The following RABGAP1L variants were observed in gnomAD, a reference collection of about 807,000 sequenced individuals.
The protein encoded by RABGAP1L is RAB GTPase activating protein 1 like.
Under a neutral mutation model 137.7 loss-of-function variants are expected in RABGAP1L, and 63 were observed. The observed-to-expected ratio is 0.46, with a 90% CI of 0.37 to 0.56. RABGAP1L has a LOEUF of 0.56. Ranked by LOEUF, RABGAP1L falls within the 20% of genes least tolerant of loss-of-function variation. RABGAP1L has a pLI of 0.00. For missense variants in RABGAP1L, 1,095 were observed against 1,244.0 expected, an observed-to-expected ratio of 0.88 and a Z score of 1.80; for synonymous variants, 431 against 433.7, an observed-to-expected ratio of 0.99 and a Z score of 0.08.
At chr1:174,453,397 CT>C (rs1655661162) in intron 13 of RABGAP1L, among the ~76,000 whole-genome samples, 1 of 152,124 alleles carries the variant, frequency 6.6e-6, no homozygotes, top group Non-Finnish European at 1.5e-5. Flanking sequence ...ATGAAGTTGC[CT>C]TAAAGGACCT....
intron 13 of RABGAP1L, among the ~76,000 whole-genome samples, chr1:174,612,638 T>C (rs1041995948): frequency 1.3e-5 from 2 of 152,142 alleles, no homozygotes; most frequent in East Asian, 3.9e-4. Flanking sequence ...ATGGTACCAG[T>C]TACTCCTTGT....
chr1:174,899,231 A>G (rs1200487469), intron 19 of RABGAP1L, among the ~76,000 whole-genome samples: 1 of 152,256 alleles, frequency 6.6e-6, no homozygotes, highest in African/African-American at 2.4e-5. Flanking sequence ...GCAGACAAAA[A>G]AAATGCTTAA....
At chr1:174,765,371 A>T (rs578111467) in intron 18 of RABGAP1L, among the ~76,000 whole-genome samples, 3 of 152,288 alleles carry the variant, frequency 2.0e-5, no homozygotes, top group Admixed American at 6.5e-5. Flanking sequence ...TTTTGGAGAA[A>T]TGGCTGTTCA....
intron 19 of RABGAP1L, among the ~76,000 whole-genome samples, chr1:174,955,898 A>G (rs61828148): frequency 0.11 from 16,581 of 152,232 alleles, 976 homozygotes; most frequent in East Asian, 0.22. Flanking sequence ...CCTAGGCAAC[A>G]TAGCCAGACC....
chr1:174,272,313 G>T, intron 7 of RABGAP1L, 101 bp from the exon 8 acceptor site: 1 of 1,215,326 alleles, frequency 8.2e-7, no homozygotes, highest in Non-Finnish European at 1.1e-6. Flanking sequence ...TATAAATACA[G>T]AGCTCAGATT....
intron 13 of RABGAP1L, among the ~76,000 whole-genome samples, chr1:174,434,151 A>ACACACC (rs1361968902): frequency 2.0e-4 from 30 of 147,612 alleles, no homozygotes; most frequent in East Asian, 4.0e-4. Context: ...ACACACACAC[A>ACACACC]CCCTGCCTGG....
intron 18 of RABGAP1L, among the ~76,000 whole-genome samples, chr1:174,770,758 C>T (rs957900367): frequency 6.6e-6 from 1 of 152,172 alleles, no homozygotes; most frequent in East Asian, 1.9e-4. Flanking sequence ...GCCCCCATTC[C>T]AAGGCTAACT....
chr1:174,815,960 T>C (rs534637858), intron 19 of RABGAP1L, among the ~76,000 whole-genome samples: 25 of 152,230 alleles, frequency 1.6e-4, no homozygotes, highest in Middle Eastern at 6.8e-3. Context: ...GAATATCCTG[T>C]ATTTTCCCAG....
At chr1:174,886,313 G>T (rs1009259669) in intron 19 of RABGAP1L, among the ~76,000 whole-genome samples, 1 of 152,272 alleles carries the variant, frequency 6.6e-6, no homozygotes, top group African/African-American at 2.4e-5. Context: ...CGCCTGGCGA[G>T]AAACCAATAT....
intron 13 of RABGAP1L, among the ~76,000 whole-genome samples, chr1:174,469,730 G>A (rs1571947426): frequency 6.6e-6 from 1 of 152,092 alleles, no homozygotes; most frequent in South Asian, 2.1e-4. Flanking sequence ...AACCAAAGGT[G>A]CATTATTTCC....
chr1:174,502,797 CTT>C (rs1048712997), intron 13 of RABGAP1L, among the ~76,000 whole-genome samples: 1 of 151,430 alleles, frequency 6.6e-6, no homozygotes, highest in African/African-American at 2.4e-5. Context: ...ATTAGTGAAA[CTT>C]TTCAAATGCA....
chr1:174,856,947 C>T (rs1649419336), intron 19 of RABGAP1L, among the ~76,000 whole-genome samples: 1 of 151,798 alleles, frequency 6.6e-6, no homozygotes, highest in African/African-American at 2.4e-5. Flanking sequence ...AAAAGTTAGA[C>T]CTTTGGGTTT....
chr1:174,279,411 C>G (rs1675297394), intron 10 of RABGAP1L, among the ~76,000 whole-genome samples: 1 of 151,982 alleles, frequency 6.6e-6, no homozygotes, highest in Admixed American at 6.6e-5. Flanking sequence ...GATAAAAATG[C>G]TCTATTAGAA....
chr1:174,617,107 T>A (rs1671959903), intron 13 of RABGAP1L, among the ~76,000 whole-genome samples: 1 of 152,240 alleles, frequency 6.6e-6, no homozygotes, highest in Admixed American at 6.5e-5. Flanking sequence ...TATATTTACC[T>A]GAGTCTTCCA....
chr1:174,966,512 G>A (rs747305420), intron 20 of RABGAP1L, among the ~76,000 whole-genome samples: 3 of 152,174 alleles, frequency 2.0e-5, no homozygotes, highest in Non-Finnish European at 2.9e-5. Context: ...TCCATGAAAA[G>A]GAGTAATAGA....
intron 13 of RABGAP1L, among the ~76,000 whole-genome samples, chr1:174,580,755 A>G (rs1452712417): frequency 2.6e-5 from 4 of 152,190 alleles, no homozygotes; most frequent in African/African-American, 4.8e-5. Flanking sequence ...TGTTGTGCAC[A>G]TATACCCTAA....
At chr1:174,798,981 A>G (rs1257128096) in intron 18 of RABGAP1L, among the ~76,000 whole-genome samples, 1 of 152,216 alleles carries the variant, frequency 6.6e-6, no homozygotes, top group Non-Finnish European at 1.5e-5. Context: ...AAGATTGTAA[A>G]ATTTTGAACT....
At chr1:174,937,535 C>T (rs1257278736) in intron 19 of RABGAP1L, among the ~76,000 whole-genome samples, 3 of 145,200 alleles carry the variant, frequency 2.1e-5, no homozygotes, top group African/African-American at 5.2e-5. Flanking sequence ...ATCCACCTGC[C>T]TCGGCCTCCC....
chr1:174,743,154 C>T (rs1231217430), intron 17 of RABGAP1L, among the ~76,000 whole-genome samples: 1 of 152,120 alleles, frequency 6.6e-6, no homozygotes, highest in Non-Finnish European at 1.5e-5. Context: ...TCAAATCCAT[C>T]TCCCTGACAA....
Sources: gnomAD v4.1 joint callset for allele counts (sites outside exome capture counted in the v4.1 genomes callset) on GRCh38, gnomAD v4.1.1 for gene constraint, MANE v1.5 for transcripts, NCBI Gene and HGNC (gene_info 2026-07-23, HGNC 2026-07-21) for gene names.